The following TLE4 variants were observed in gnomAD, a reference collection of about 807,000 sequenced individuals.
TLE4 encodes TLE family member 4, transcriptional corepressor, also known as transducin-like enhancer protein 4.
A neutral mutation model predicts 92.8 loss-of-function variants in TLE4; 8 were observed. The observed-to-expected ratio is 0.09, with a 90% CI of 0.05 to 0.16. The LOEUF is 0.16. TLE4 is among the 10% of genes least tolerant of loss of function. TLE4 has a pLI of 1.00. For synonymous variants in TLE4, 371 were observed against 374.1 expected (o/e 0.99, Z 0.10); for missense variants, 675 against 997.6 (o/e 0.68, Z 4.36).
intron 4 of TLE4, chr9:79,601,266 A>G: frequency 2.5e-6 from 1 of 400,676 alleles, no homozygotes; most frequent in Non-Finnish European, 5.0e-6. Context: ...CCTAAATGCC[A>G]GAAAAGATGT....
At chr9:79,582,470 ACCAG>A (rs2039924026) in intron 4 of TLE4, among the ~76,000 whole-genome samples, 1 of 152,162 alleles carries the variant, frequency 6.6e-6, no homozygotes, top group Non-Finnish European at 1.5e-5. Context: ...CAATACAAGC[ACCAG>A]CCCATTGTTC....
chr9:79,644,797 C>G (rs954577114), intron 6 of TLE4, among the ~76,000 whole-genome samples: 7 of 152,172 alleles, frequency 4.6e-5, no homozygotes, highest in African/African-American at 1.7e-4. Flanking sequence ...CTGAGTCTTC[C>G]CTTACTTCTC....
chr9:79,694,343 C>A (rs1387721137), intron 8 of TLE4, among the ~76,000 whole-genome samples: 1 of 152,112 alleles, frequency 6.6e-6, no homozygotes, highest in Non-Finnish European at 1.5e-5. Context: ...CTGGACTTAC[C>A]TTTCAACATT....
At chr9:79,590,317 A>C (rs1258107913) in intron 4 of TLE4, among the ~76,000 whole-genome samples, 3 of 152,200 alleles carry the variant, frequency 2.0e-5, no homozygotes, top group Non-Finnish European at 4.4e-5. Flanking sequence ...CCAAAATTCC[A>C]ATGTGTGCTT....
At chr9:79,576,803 T>G (rs1448752397) in intron 4 of TLE4, 2 of 144,240 alleles carry the variant, frequency 1.4e-5, no homozygotes, top group Admixed American at 1.4e-4. Context: ...ATTAGTTCAG[T>G]AGCAAAAAAA....
At chr9:79,628,263 T>A (rs1257259735) in intron 6 of TLE4, among the ~76,000 whole-genome samples, 1 of 152,156 alleles carries the variant, frequency 6.6e-6, no homozygotes, top group Non-Finnish European at 1.5e-5. Flanking sequence ...CTTTCCTCTT[T>A]CTGTCCCCTC....
chr9:79,691,852 C>T (rs1429474040), intron 8 of TLE4, among the ~76,000 whole-genome samples: 5 of 152,128 alleles, frequency 3.3e-5, no homozygotes, highest in Non-Finnish European at 2.9e-5. Flanking sequence ...CATTGCCATT[C>T]GCATTTATTT....
At chr9:79,632,719 A>G (rs943532317) in intron 6 of TLE4, among the ~76,000 whole-genome samples, 3 of 152,168 alleles carry the variant, frequency 2.0e-5, no homozygotes, top group East Asian at 1.9e-4. Context: ...GCTGATTACT[A>G]TTGGTATTTT....
chr9:79,648,869 C>T (rs990830169), intron 6 of TLE4, among the ~76,000 whole-genome samples: 1 of 151,984 alleles, frequency 6.6e-6, no homozygotes, highest in African/African-American at 2.4e-5. Context: ...ATGGGGGTGT[C>T]AAAGTTTGGA....
At chr9:79,708,460 G>A in intron 12 of TLE4, 133 bp from the exon 13 acceptor site, 1 of 1,121,224 alleles carries the variant, frequency 8.9e-7, no homozygotes, top group Non-Finnish European at 1.3e-6. Context: ...GAATTCTGAA[G>A]GCTTGAATGA....
chr9:79,581,820 C>T (rs981720232), intron 4 of TLE4, among the ~76,000 whole-genome samples: 3 of 152,138 alleles, frequency 2.0e-5, no homozygotes, highest in Non-Finnish European at 2.9e-5. Flanking sequence ...TAGGCTCATA[C>T]GCAGAACCTC....
intron 8 of TLE4, among the ~76,000 whole-genome samples, chr9:79,685,481 T>C (rs1180641449): frequency 6.6e-6 from 1 of 152,170 alleles, no homozygotes; most frequent in Non-Finnish European, 1.5e-5. Context: ...TCAGCTTGGA[T>C]TGTATAGCTG....
intron 17 of TLE4, 71 bp from the exon 18 acceptor site, chr9:79,722,380 A>C: frequency 1.3e-6 from 2 of 1,542,682 alleles, no homozygotes; most frequent in Non-Finnish European, 1.8e-6. Context: ...TCTACAGAAG[A>C]GATAGTACCT....
rs775594827 is a variant in TLE4, at chr9:79,718,744, G to A, written c.1363G>A (p.Ala455Thr). Residue 455 changes from alanine to threonine, a missense_variant, in exon 15 of 20, where the codon GCA (alanine) becomes ACA (threonine). By Grantham distance (58) the Ala-to-Thr change is moderately conservative (BLOSUM62 0). This residue lies in a region of TLE4 where 119 missense variants were observed against 175.9 expected (regional missense o/e 0.68). Coordinates refer to ENST00000376552, the MANE Select transcript of TLE4 (RefSeq NM_007005.6). ...TAGAGCATACTCCTTCCATGTTAGC[G>A]CAGATGGTCAGATGCAGCCTGTCCC... is the stretch of plus-strand genomic sequence containing the variant. The part of the protein sequence containing the change: ...GKPAYSFHVS[A>T]DGQMQPVPFP... The A allele has an allele frequency of 1.5e-5, 25 of 1,613,596 alleles. No individual in the cohort carries two copies. Among genetic ancestry groups the A allele is most frequent in the Admixed American group, 5.0e-5 (3 of 59,976 alleles).
chr9:79,636,989 C>T (rs533274231), intron 6 of TLE4, among the ~76,000 whole-genome samples: 81 of 134,974 alleles, frequency 6.0e-4, no homozygotes, highest in African/African-American at 2.0e-3. Context: ...GAAAAGGAAG[C>T]GCATGGACTG....
chr9:79,640,023 G>A (rs955671273), intron 6 of TLE4, among the ~76,000 whole-genome samples: 1 of 152,188 alleles, frequency 6.6e-6, no homozygotes, highest in African/African-American at 2.4e-5. Flanking sequence ...AACAGAAGGA[G>A]TTGAGTGTTA....
Position 79,690,779 on chromosome 9 carries a change from C to CTTT in TLE4, c.610-13978_610-13976dup, listed in dbSNP as rs35528090. Among the ~76,000 whole-genome samples the CTTT allele has an allele frequency of 7.0e-4, 38 of 54,164 alleles. 4 individuals carry two copies. The highest frequency in any genetic ancestry group is 1.6e-3 in the African/African-American group (23 of 14,622). The allele number at this position is 54,164 out of a possible 152,430, so 35.5% of individuals were successfully genotyped here. On this transcript the variant is annotated intron_variant, in intron 8 of 19. Coordinates refer to ENST00000376552, the MANE Select transcript of TLE4 (RefSeq NM_007005.6). ...TATAGGAATGTGCCACCACTCCTGGCTTTTTTTTTTTTTTTTTTTTTTTTT... is the reference window on the plus strand; with the variant it reads ...TATAGGAATGTGCCACCACTCCTGGCTTTTTTTTTTTTTTTTTTTTTTTTTTTT...
chr9:79,603,515 G>A lies in TLE4; in HGVS notation c.253-9141G>A, dbSNP rs149259738. ...ATTTTTAAATTATGGTGTATTGTGT[G>A]TGTGTTTTTTTTAAGACATAATGCT... On this transcript the variant is annotated intron_variant, in intron 4 of 19. Transcript: ENST00000376552. Among the ~76,000 whole-genome samples, 51 of 152,186 alleles carry A rather than the reference G, an allele frequency of 3.4e-4. 2 individuals carry two copies. The East Asian group carries it at 7.7e-3, about 23-fold the overall frequency.
intron 6 of TLE4, among the ~76,000 whole-genome samples, chr9:79,649,176 G>A (rs1257251922): frequency 6.6e-6 from 1 of 152,116 alleles, no homozygotes; most frequent in Non-Finnish European, 1.5e-5. Context: ...AAGTGTGTGT[G>A]TGTAGAGGAG....
Sources: allele counts gnomAD v4.1 joint callset (sites outside exome capture counted in the v4.1 genomes callset), GRCh38; gene constraint gnomAD v4.1.1; regional missense constraint gnomAD v4.1.1; transcripts MANE v1.5; gene names NCBI Gene and HGNC (gene_info 2026-07-23, HGNC 2026-07-21).